The following GALNT11 variants were observed in gnomAD, a reference collection of about 807,000 sequenced individuals.
GALNT11 encodes UDP-GalNAc:polypeptide N-acetylgalactosaminyltransferase 11.
GALNT11 carries 47 observed loss-of-function variants against 72.7 expected under a neutral mutation model. The observed-to-expected ratio is 0.65, with a 90% CI of 0.51 to 0.82. The LOEUF (loss-of-function observed/expected upper bound fraction) is 0.82, where lower values mean the gene tolerates loss of function less well. GALNT11 is among the 40% of genes least tolerant of loss of function. GALNT11 has a pLI of 0.00. For synonymous variants in GALNT11, 270 were observed against 286.6 expected (o/e 0.94, Z 0.58); for missense variants, 677 against 778.4 (o/e 0.87, Z 1.55).
At position 152,117,358 on chromosome 7, in the gene GALNT11, G is replaced by T. The variant is rs764593367; in HGVS notation, c.1435G>T (p.Val479Phe). The T allele has an allele frequency of 3.1e-6, 5 of 1,614,050 alleles. No homozygotes were observed. Among genetic ancestry groups the T allele is most frequent in the Non-Finnish European group, 3.4e-6 (4 of 1,180,036 alleles). Residue 479 changes from valine (V) to phenylalanine (F), a missense_variant, in exon 9 of 12, where the codon GTC becomes TTC. Coordinates refer to ENST00000430044, the MANE Select transcript of GALNT11 (RefSeq NM_022087.4). ...FVNRGPKRPK[V>F]LQRGRLYHLQ... ...CAATAGAGGGCCAAAACGACCCAAA[G>T]TCCTTCAACGTGGAAGGGTAAGAAA...
At chr7:152,032,634 T>C (rs934631859) in intron 1 of GALNT11, among the ~76,000 whole-genome samples, 8 of 152,202 alleles carry the variant, frequency 5.3e-5, no homozygotes, top group Non-Finnish European at 8.8e-5. Flanking sequence ...GGATATTGCC[T>C]TTGATAAGGA....
At chr7:152,057,004 A>ATT (rs71198754) in intron 1 of GALNT11, among the ~76,000 whole-genome samples, 16 of 74,884 alleles carry the variant, frequency 2.1e-4, no homozygotes, top group South Asian at 5.2e-4. Flanking sequence ...ATGCCCAGCT[A>ATT]TTTTTTTTTT....
At chr7:152,110,382 TTC>T (rs1430451476) in intron 6 of GALNT11, 144 bp from the exon 7 acceptor site, 1 of 690,414 alleles carries the variant, frequency 1.4e-6, no homozygotes, top group East Asian at 2.7e-5. Flanking sequence ...GCCTGGCTCA[TTC>T]TCTGATACTG....
At chr7:152,116,926 C>T (rs1489344525) in intron 8 of GALNT11, 19 of 657,404 alleles carry the variant, frequency 2.9e-5, no homozygotes, top group Non-Finnish European at 8.4e-6. Flanking sequence ...CACGCAGACC[C>T]TCCTGGGAGT....
At chr7:152,077,587 G>A (rs2085062576) in intron 1 of GALNT11, among the ~76,000 whole-genome samples, 1 of 152,288 alleles carries the variant, frequency 6.6e-6, no homozygotes, top group South Asian at 2.1e-4. Flanking sequence ...GGGGTCACCT[G>A]GGGGTTTAGT....
intron 1 of GALNT11, chr7:152,075,172 C>G (rs2129013957): frequency 6.6e-6 from 1 of 152,490 alleles, no homozygotes; most frequent in South Asian, 2.1e-4. Context: ...CTGGCAGTTT[C>G]TGCTCCAGGT....
intron 1 of GALNT11, among the ~76,000 whole-genome samples, chr7:152,051,899 C>G (rs760138688): frequency 6.6e-6 from 1 of 152,156 alleles, no homozygotes; most frequent in Non-Finnish European, 1.5e-5. Context: ...GTAAAATATA[C>G]ATAATGTAAA....
intron 1 of GALNT11, among the ~76,000 whole-genome samples, chr7:152,070,274 G>A (rs2084558233): frequency 6.6e-6 from 1 of 152,108 alleles, no homozygotes; most frequent in African/African-American, 2.4e-5. Flanking sequence ...GGGATTACAG[G>A]TGTGAGCCAC....
chr7:152,035,614 C>T (rs1293003454), intron 1 of GALNT11, among the ~76,000 whole-genome samples: 1 of 152,222 alleles, frequency 6.6e-6, no homozygotes, highest in African/African-American at 2.4e-5. Context: ...CAAACCAACA[C>T]TCCCAACTCC....
chr7:152,075,960 G>C (rs1366761090), intron 1 of GALNT11, among the ~76,000 whole-genome samples: 1 of 150,644 alleles, frequency 6.6e-6, no homozygotes, highest in Admixed American at 6.6e-5. Context: ...TACTCCGGAG[G>C]CTGAGGCAGG....
In GALNT11 at chr7:152,121,768, G is replaced by A. The variant is rs571269351; in HGVS notation, c.*91G>A. The A allele has an allele frequency of 1.3e-5, 19 of 1,487,074 alleles. No homozygotes were observed. The highest frequency in any genetic ancestry group is 2.2e-4 in the Middle Eastern group (1 of 4,482). The allele number at this position is 1,487,074 out of a possible 1,614,324, so 92.1% of individuals were successfully genotyped here. On this transcript the variant is annotated 3_prime_UTR_variant, in exon 12 of 12. Transcript: ENST00000430044. The stretch of plus-strand genomic sequence containing the variant: ...AGGAAAGCCTGGGTTGGGTGGAGCA[G>A]AACCATCTTGGAGAAGATGACAGTT...
At chr7:152,080,425 A>G (rs1235598806) in intron 1 of GALNT11, among the ~76,000 whole-genome samples, 1 of 152,196 alleles carries the variant, frequency 6.6e-6, no homozygotes, top group East Asian at 1.9e-4. Flanking sequence ...CTTGTAGAAA[A>G]TGTTTTAAAT....
chr7:152,103,619 AG>A (rs1473576509), intron 4 of GALNT11: 3 of 238,518 alleles, frequency 1.3e-5, no homozygotes, highest in African/African-American at 4.4e-5. Context: ...TGTCAGAACC[AG>A]GAATCCACAT....
chr7:152,050,069 C>G (rs1425033697), intron 1 of GALNT11, among the ~76,000 whole-genome samples: 1 of 152,094 alleles, frequency 6.6e-6, no homozygotes, highest in Non-Finnish European at 1.5e-5. Context: ...GGCCTGAAAT[C>G]AAGGACCCCA....
intron 1 of GALNT11, among the ~76,000 whole-genome samples, chr7:152,072,178 G>T (rs1188546948): frequency 6.6e-6 from 1 of 151,248 alleles, no homozygotes; most frequent in Admixed American, 6.6e-5. Context: ...AATTAGCTGG[G>T]CATGTTGGCG....
chr7:152,058,354 TG>T (rs2083808211), intron 1 of GALNT11, among the ~76,000 whole-genome samples: 1 of 152,142 alleles, frequency 6.6e-6, no homozygotes, highest in Non-Finnish European at 1.5e-5. Context: ...TGTTTTGTTT[TG>T]TTTTTTTGAG....
Position 152,037,249 on chromosome 7 carries a change from G to A in GALNT11, c.-39+11365G>A, listed in dbSNP as rs186191908. 3.9e-5 allele frequency among the ~76,000 whole-genome samples: 6 copies of A among 152,326 alleles called. No individual in the cohort carries two copies. The East Asian group carries it at 1.2e-3, about 29-fold the overall frequency. ...AATTTGATTTTTGTGTATAGTGAGA[G>A]ATAGGGATCTAGTTTCATTCTTCTG... On this transcript the variant is annotated intron_variant, in intron 1 of 11. Transcript: ENST00000430044.
At chr7:152,111,173 A>G (rs913795784) in intron 7 of GALNT11, among the ~76,000 whole-genome samples, 1 of 151,768 alleles carries the variant, frequency 6.6e-6, no homozygotes, top group Non-Finnish European at 1.5e-5. Flanking sequence ...TTTTTGAGAC[A>G]GGGTCTTGCT....
intron 1 of GALNT11, among the ~76,000 whole-genome samples, chr7:152,051,207 T>G (rs113310379): frequency 3.1e-4 from 46 of 146,196 alleles, no homozygotes; most frequent in African/African-American, 1.1e-3. Flanking sequence ...TTGTTTTTTT[T>G]TTTTTTTTTT....
Sources: gnomAD v4.1 joint callset for allele counts (sites outside exome capture counted in the v4.1 genomes callset) on GRCh38, gnomAD v4.1.1 for gene constraint, MANE v1.5 for transcripts, NCBI Gene and HGNC (gene_info 2026-07-23, HGNC 2026-07-21) for gene names.